Variants in WDFY1 observed in about 807,000 individuals in gnomAD.
WDFY1 encodes WD repeat and FYVE domain containing 1.
Under a neutral mutation model 56.4 loss-of-function variants are expected in WDFY1, and 32 were observed. That is an observed-to-expected ratio of 0.57 (90% CI 0.43 to 0.76). WDFY1 has a LOEUF of 0.76. WDFY1 is among the 30% of genes least tolerant of loss of function. The pLI, the probability that WDFY1 is intolerant of heterozygous loss-of-function variation, is 0.00. For synonymous variants in WDFY1, 192 were observed against 197.3 expected, an observed-to-expected ratio of 0.97 and a Z score of 0.23; for missense variants, 480 against 545.7, an observed-to-expected ratio of 0.88 and a Z score of 1.20.
chr2:223,884,294 T>C (rs1693132844), intron 9 of WDFY1, among the ~76,000 whole-genome samples: 1 of 152,218 alleles, frequency 6.6e-6, no homozygotes. Flanking sequence ...GCATAAGGTA[T>C]ATAACTGTAT....
Position 223,895,641 on chromosome 2 carries a change from G to C in WDFY1, c.599-11C>G. Reference sequence around the variant, plus strand: ...GGCAGGCGACACTACCTAGGGATTTGTGAGAGAGAGAGAGAGAGGGAGGCA... The same window carrying C: ...GGCAGGCGACACTACCTAGGGATTTCTGAGAGAGAGAGAGAGAGGGAGGCA... On this transcript the variant is annotated splice_polypyrimidine_tract_variant and intron_variant, in intron 6 of 11. Coordinates refer to ENST00000233055, the MANE Select transcript of WDFY1 (RefSeq NM_020830.5). 6.2e-7 allele frequency: 1 copy of C among 1,613,428 alleles called. No homozygotes were observed. Among genetic ancestry groups the C allele is most frequent in the Non-Finnish European group, 8.5e-7 (1 of 1,179,712 alleles).
intron 2 of WDFY1, among the ~76,000 whole-genome samples, chr2:223,917,045 C>G (rs763010051): frequency 4.6e-5 from 7 of 151,960 alleles, no homozygotes; most frequent in Non-Finnish European, 8.8e-5. Context: ...AACTCCCAAC[C>G]TCAGGTGATC....
intron 3 of WDFY1, among the ~76,000 whole-genome samples, chr2:223,911,150 C>T (rs1037932708): frequency 6.6e-6 from 1 of 152,112 alleles, no homozygotes; most frequent in Admixed American, 6.5e-5. Flanking sequence ...TAAAAGGCCA[C>T]ACATATTGTA....
chr2:223,931,997 AT>A (rs1273223703), intron 1 of WDFY1, among the ~76,000 whole-genome samples: 642 of 143,936 alleles, frequency 4.5e-3, no homozygotes, highest in African/African-American at 0.011. Flanking sequence ...AATTGGTCTA[AT>A]TTTTTTTTTT....
At position 223,880,223 on chromosome 2, in the gene WDFY1, A is replaced by G. The variant is rs771112190; in HGVS notation, c.1074T>C (p.Ser358=). 3.1e-6 allele frequency: 5 copies of G among 1,614,062 alleles called. No homozygotes were observed. The highest frequency in any genetic ancestry group is 3.4e-6 in the Non-Finnish European group (4 of 1,179,958). Residue 358 remains serine (S), a synonymous_variant, in exon 11 of 12, where the codon TCT becomes TCC. Coordinates refer to ENST00000233055, the MANE Select transcript of WDFY1 (RefSeq NM_020830.5). The part of the protein sequence containing the change: ...YDSIKDEDRT[S]LATFHEGKHN... Reference sequence around the variant, plus strand: ...GTTTTCCTTCATGAAAGGTCGCTAGAGAAGTCCGACTAACAAGAGAAAAGA... The same window carrying G: ...GTTTTCCTTCATGAAAGGTCGCTAGGGAAGTCCGACTAACAAGAGAAAAGA...
At position 223,921,915 on chromosome 2, in the gene WDFY1, C is replaced by T. The variant is rs560072971; in HGVS notation, c.138-3905G>A. On this transcript the variant is annotated intron_variant, in intron 1 of 11. Coordinates refer to ENST00000233055, the MANE Select transcript of WDFY1 (RefSeq NM_020830.5). Reference sequence around the variant, plus strand: ...TCACACAGCAGTAGGCCTGCTCTCACAGGAGTAGTGGACTCTTGCCTCCCT... The same window carrying T: ...TCACACAGCAGTAGGCCTGCTCTCATAGGAGTAGTGGACTCTTGCCTCCCT... 1.6e-4 allele frequency among the ~76,000 whole-genome samples: 25 copies of T among 152,348 alleles called. No homozygotes were observed. In the South Asian group the frequency reaches 4.6e-3, roughly 28 times the overall value.
At chr2:223,935,986 G>T (rs1359650605) in intron 1 of WDFY1, among the ~76,000 whole-genome samples, 1 of 149,800 alleles carries the variant, frequency 6.7e-6, no homozygotes, top group Non-Finnish European at 1.5e-5. Flanking sequence ...GGACACAAAA[G>T]AACCATAATA....
intron 1 of WDFY1, among the ~76,000 whole-genome samples, chr2:223,920,775 C>G (rs1025804927): frequency 6.6e-5 from 10 of 152,174 alleles, no homozygotes; most frequent in Non-Finnish European, 1.0e-4. Context: ...TGCATCCCTC[C>G]TCAAGGGAAA....
intron 8 of WDFY1, among the ~76,000 whole-genome samples, chr2:223,886,077 C>A (rs1247064362): frequency 2.6e-5 from 4 of 152,188 alleles, no homozygotes; most frequent in African/African-American, 9.7e-5. Flanking sequence ...GGTGTGGTGG[C>A]TCACGCCTGT....
chr2:223,880,582 A>G (rs1180508999), intron 10 of WDFY1, among the ~76,000 whole-genome samples: 2 of 147,898 alleles, frequency 1.4e-5, no homozygotes, highest in East Asian at 4.0e-4. Context: ...ACTCCAGCCC[A>G]GGTGATCAAC....
chr2:223,905,344 T>G (rs577271763), intron 4 of WDFY1, among the ~76,000 whole-genome samples: 5 of 152,286 alleles, frequency 3.3e-5, no homozygotes, highest in Non-Finnish European at 2.9e-5. Context: ...ACCTAGGGAT[T>G]TGTCTTAAAT....
chr2:223,903,745 G>A (rs1693548439), intron 4 of WDFY1, among the ~76,000 whole-genome samples: 1 of 150,860 alleles, frequency 6.6e-6, no homozygotes, highest in African/African-American at 2.4e-5. Flanking sequence ...CTAACTCCTG[G>A]GCTCAAGTGA....
chr2:223,900,432 C>T (rs1245835088), intron 5 of WDFY1, among the ~76,000 whole-genome samples: 1 of 152,176 alleles, frequency 6.6e-6, no homozygotes, highest in African/African-American at 2.4e-5. Flanking sequence ...AGAGAAACTA[C>T]TGCGGGGTGT....
intron 3 of WDFY1, among the ~76,000 whole-genome samples, chr2:223,911,321 G>A (rs1472338963): frequency 6.6e-6 from 1 of 151,938 alleles, no homozygotes; most frequent in Non-Finnish European, 1.5e-5. Flanking sequence ...ATTAGAGAAT[G>A]GTGGTAATGG....
intron 3 of WDFY1, among the ~76,000 whole-genome samples, chr2:223,911,880 A>G (rs1693709980): frequency 6.6e-6 from 1 of 151,164 alleles, no homozygotes. Context: ...CAGTGGTGCA[A>G]TCTCAGCTAG....
chr2:223,892,014 G>A (rs999573713), intron 8 of WDFY1, among the ~76,000 whole-genome samples: 6 of 152,042 alleles, frequency 3.9e-5, no homozygotes, highest in Admixed American at 3.9e-4. Flanking sequence ...TTTGCTCGTC[G>A]CCCAGGTTGG....
intron 2 of WDFY1, among the ~76,000 whole-genome samples, chr2:223,914,100 G>A (rs61125931): frequency 0.024 from 3,474 of 147,474 alleles, 117 homozygotes; most frequent in African/African-American, 0.082. Flanking sequence ...GGGTTCAAGC[G>A]ATTCTCCTGT....
intron 1 of WDFY1, among the ~76,000 whole-genome samples, chr2:223,926,368 T>A (rs1204943239): frequency 2.0e-5 from 3 of 152,120 alleles, no homozygotes; most frequent in Non-Finnish European, 4.4e-5. Flanking sequence ...GTCACTCAAG[T>A]GATCCTGCCA....
At chr2:223,880,303 G>T in intron 10 of WDFY1, 71 bp from the exon 11 acceptor site, 1 of 1,429,968 alleles carries the variant, frequency 7.0e-7, no homozygotes, top group Non-Finnish European at 9.8e-7. Flanking sequence ...AGCTTTTTTA[G>T]CAACATAAAA....
Sources: allele counts gnomAD v4.1 joint callset (sites outside exome capture counted in the v4.1 genomes callset), GRCh38; gene constraint gnomAD v4.1.1; transcripts MANE v1.5; gene names NCBI Gene and HGNC (gene_info 2026-07-23, HGNC 2026-07-21).